Variants in CFAP47 observed in about 807,000 individuals in gnomAD.
CFAP47 encodes the protein cilia and flagella associated protein 47, also known as cilia- and flagella-associated protein 47.
CFAP47 carries 29 observed loss-of-function variants against 148.1 expected under a neutral mutation model. That is an observed-to-expected ratio of 0.20 (90% CI 0.15 to 0.27). The LOEUF is 0.27. CFAP47 is among the 10% of genes least tolerant of loss of function. The pLI is 1.00. For missense variants in CFAP47, 1,872 were observed against 1,697.5 expected (o/e 1.10, Z -1.81); for synonymous variants, 664 against 577.3 (o/e 1.15, Z -2.15).
chrX:36,083,772 A>G (rs892724865), intron 29 of CFAP47, among the ~76,000 whole-genome samples: 3 of 111,563 alleles, frequency 2.7e-5, no homozygotes, highest in African/African-American at 6.5e-5. Context: ...ATCCTTTAAC[A>G]TATTAATATA....
At chrX:36,237,232 G>A (rs1258435259) in intron 48 of CFAP47, among the ~76,000 whole-genome samples, 2 of 112,584 alleles carry the variant, frequency 1.8e-5, no homozygotes, top group African/African-American at 3.2e-5. Context: ...AATTTCAGAA[G>A]TGTAGCCTAT....
At chrX:36,331,652 C>T (rs1251972783) in intron 57 of CFAP47, among the ~76,000 whole-genome samples, 4 of 111,557 alleles carry the variant, frequency 3.6e-5, no homozygotes, top group African/African-American at 1.3e-4. Context: ...AGGAGTCATA[C>T]TTAATTTATT....
chrX:36,367,095 T>A lies in CFAP47; in HGVS notation c.9153T>A (p.Ser3051=). 1 of 1,159,752 alleles carries A rather than the reference T, an allele frequency of 8.6e-7. No homozygotes were observed. The highest frequency in any genetic ancestry group is 1.2e-6 in the Non-Finnish European group (1 of 868,094). Residue 3051 remains serine (S), a synonymous_variant, in exon 62 of 64, where the codon TCT becomes TCA. Coordinates refer to ENST00000378653, the MANE Select transcript of CFAP47 (RefSeq NM_001304548.2). ...AAGGAGTTGGTTTATTTAAGGAATCTGTTTTTGAACTTAGGCTGAAAAGTC... is the reference window on the plus strand; with the variant it reads ...AAGGAGTTGGTTTATTTAAGGAATCAGTTTTTGAACTTAGGCTGAAAAGTC... ...DIEGVGLFKE[S]VFELRLKSQT...
Position 36,014,835 on chromosome X carries a change from A to G in CFAP47, c.3479A>G (p.Tyr1160Cys), listed in dbSNP as rs974483450. The change falls in exon 22 of 64, where the codon TAC becomes TGC. Residue 1160 changes from tyrosine to cysteine, a missense_variant. Physicochemically the swap from Tyr to Cys is radical, Grantham distance 194. Transcript: ENST00000378653. ...AATTTCTTTGAGTCTTCAAAGCTCT[A>G]CACTAAATATTTGTCCAGTTCTCCT... ...QINFFESSKL[Y>C]TKYLSSSPSN... 6.8e-6 allele frequency: 2 copies of G among 293,581 alleles called. No homozygotes were observed. The highest frequency in any genetic ancestry group is 6.3e-5 in the Admixed American group (1 of 15,919). 24.2% of individuals were successfully genotyped at this position (293,581 alleles called of 1,213,427 possible). A position where few individuals can be genotyped will look rare whatever the true frequency, so the allele number is the denominator to read the frequency against.
intron 53 of CFAP47, among the ~76,000 whole-genome samples, chrX:36,301,599 G>A (rs940096419): frequency 1.7e-4 from 19 of 110,644 alleles, no homozygotes; most frequent in African/African-American, 6.2e-4. Flanking sequence ...AACAGGAAGA[G>A]TTTTACTGTG....
chrX:36,094,614 CTTAAT>C (rs985975944), intron 30 of CFAP47, among the ~76,000 whole-genome samples: 8 of 110,741 alleles, frequency 7.2e-5, no homozygotes, highest in African/African-American at 2.3e-4. Flanking sequence ...TTCCTTGGTA[CTTAAT>C]TTTATTTGTG....
intron 49 of CFAP47, among the ~76,000 whole-genome samples, chrX:36,275,564 C>T (rs1162121459): frequency 9.1e-6 from 1 of 109,774 alleles, no homozygotes; most frequent in Non-Finnish European, 1.9e-5. Flanking sequence ...AGTGTATAAT[C>T]CTTTTACTAT....
chrX:36,137,388 G>C (rs921455776), intron 33 of CFAP47, among the ~76,000 whole-genome samples: 4 of 111,061 alleles, frequency 3.6e-5, no homozygotes, highest in Non-Finnish European at 7.6e-5. Context: ...TCCTCTTTTT[G>C]TTCCAGACTC....
chrX:36,272,513 G>A (rs1179551308), intron 49 of CFAP47, among the ~76,000 whole-genome samples: 4 of 111,371 alleles, frequency 3.6e-5, no homozygotes, highest in African/African-American at 1.3e-4. Context: ...TCAGACAAGG[G>A]CACTTTTGTG....
At chrX:36,063,964 A>G (rs1440033058) in intron 26 of CFAP47, among the ~76,000 whole-genome samples, 1 of 112,326 alleles carries the variant, frequency 8.9e-6, no homozygotes, top group Non-Finnish European at 1.9e-5. Context: ...GGTGTTGGCT[A>G]TGGGCCTGCC....
chrX:36,339,367 TTATAG>T (rs1262685521), intron 57 of CFAP47, among the ~76,000 whole-genome samples: 2 of 111,719 alleles, frequency 1.8e-5, no homozygotes, highest in Non-Finnish European at 3.8e-5. Context: ...GGTATGTTAG[TTATAG>T]TAGTAGTAGT....
chrX:36,151,412 T>C (rs1055285591), intron 37 of CFAP47, among the ~76,000 whole-genome samples: 10 of 111,931 alleles, frequency 8.9e-5, no homozygotes, highest in African/African-American at 1.3e-4. Context: ...TATTCAACAT[T>C]TGCTATATAA....
At chrX:36,169,998 C>G (rs1473722996) in intron 39 of CFAP47, among the ~76,000 whole-genome samples, 1 of 111,902 alleles carries the variant, frequency 8.9e-6, no homozygotes, top group Non-Finnish European at 1.9e-5. Context: ...GAAGTCCAAT[C>G]TCAGTCTTTC....
Position 36,236,801 on chromosome X carries a change from A to T in CFAP47, c.7274A>T (p.Asn2425Ile), listed in dbSNP as rs782749259. The change falls in exon 48 of 64, where the codon AAT becomes ATT. Residue 2425 changes from asparagine (N) to isoleucine (I), a missense_variant. Coordinates refer to ENST00000378653, the MANE Select transcript of CFAP47 (RefSeq NM_001304548.2). Reference protein sequence around the residue: ...EHITVECQVGNVTQKHITLPH... With the variant: ...EHITVECQVGIVTQKHITLPH... ...ATCACTGTGGAATGTCAAGTGGGGA[A>T]TGTGACACAAAAGCATATAACATTG... The T allele has an allele frequency of 5.8e-6, 3 of 514,405 alleles. No homozygotes were observed. The allele number at this position is 514,405 out of a possible 1,213,427, so 42.4% of individuals were successfully genotyped here.
chrX:36,276,420 C>A (rs1941018369), intron 49 of CFAP47, among the ~76,000 whole-genome samples: 1 of 111,652 alleles, frequency 9.0e-6, no homozygotes. Flanking sequence ...AGAAAAATAT[C>A]TTTTTTTATT....
At chrX:35,934,644 C>T (rs1219338009) in intron 2 of CFAP47, among the ~76,000 whole-genome samples, 1 of 111,119 alleles carries the variant, frequency 9.0e-6, no homozygotes, top group Non-Finnish European at 1.9e-5. Context: ...TGCCCTGTAG[C>T]CACCACAGCT....
chrX:36,167,123 G>A (rs1222594943), intron 39 of CFAP47, among the ~76,000 whole-genome samples: 2 of 111,814 alleles, frequency 1.8e-5, no homozygotes, highest in Non-Finnish European at 3.8e-5. Flanking sequence ...CAAACTAACA[G>A]GCCTGTAGTT....
At chrX:36,222,605 G>C (rs1438355765) in intron 45 of CFAP47, among the ~76,000 whole-genome samples, 1 of 109,293 alleles carries the variant, frequency 9.1e-6, no homozygotes, top group East Asian at 2.9e-4. Flanking sequence ...TTTTTCCTGA[G>C]TGGACCATAT....
chrX:35,959,911 A>AT (rs1216332010), intron 8 of CFAP47, among the ~76,000 whole-genome samples: 3 of 100,984 alleles, frequency 3.0e-5, no homozygotes, highest in African/African-American at 1.1e-4. Context: ...ACTATTTGTT[A>AT]TTTTTTGTAA....
Sources: gnomAD v4.1 joint callset for allele counts (sites outside exome capture counted in the v4.1 genomes callset) on GRCh38, gnomAD v4.1.1 for gene constraint, MANE v1.5 for transcripts, NCBI Gene and HGNC (gene_info 2026-07-23, HGNC 2026-07-21) for gene names.